Variants in SYNPR observed in about 807,000 individuals in gnomAD.
SYNPR encodes synaptoporin.
A neutral mutation model predicts 32.9 loss-of-function variants in SYNPR; 23 were observed. The observed-to-expected ratio is 0.70, with a 90% confidence interval of 0.50 to 0.99. The LOEUF is 0.99. Among genes scored for constraint, SYNPR ranks in the 50% least tolerant of loss-of-function variants. The pLI, the probability that SYNPR is intolerant of heterozygous loss-of-function variation, is 0.00. For missense variants in SYNPR, 318 were observed against 349.3 expected (o/e 0.91, Z 0.71); for synonymous variants, 146 against 135.9 (o/e 1.07, Z -0.52).
At chr3:63,431,959 T>G (rs1428548174) in intron 2 of SYNPR, among the ~76,000 whole-genome samples, 4 of 152,218 alleles carry the variant, frequency 2.6e-5, no homozygotes, top group East Asian at 3.9e-4. Flanking sequence ...CCTTCAGCAT[T>G]CTGTCTGTAG....
chr3:63,240,212 C>A (rs995407674), intron 1 of SYNPR, among the ~76,000 whole-genome samples: 14 of 152,066 alleles, frequency 9.2e-5, no homozygotes, highest in African/African-American at 3.1e-4. Flanking sequence ...TTCAAACTGA[C>A]AATAAATTGG....
chr3:63,278,823 C>G (rs2086601346), intron 2 of SYNPR, 81 bp downstream of exon 2: 1 of 1,403,026 alleles, frequency 7.1e-7, no homozygotes, highest in South Asian at 1.3e-5. Context: ...GTGCTCCCTG[C>G]TCAGTTCTGC....
intron 3 of SYNPR, among the ~76,000 whole-genome samples, chr3:63,527,084 G>C (rs1375330251): frequency 6.6e-6 from 1 of 152,122 alleles, no homozygotes; most frequent in African/African-American, 2.4e-5. Context: ...TGAAGAACAG[G>C]GACAATTTGA....
chr3:63,609,427 C>A, intron 5 of SYNPR, 111 bp downstream of exon 5: 4 of 962,810 alleles, frequency 4.2e-6, no homozygotes, highest in Non-Finnish European at 5.8e-6. Context: ...AAAACTAGGC[C>A]AATCAAAAGG....
chr3:63,251,341 G>A (rs1178413268), intron 1 of SYNPR, among the ~76,000 whole-genome samples: 1 of 152,102 alleles, frequency 6.6e-6, no homozygotes, highest in Non-Finnish European at 1.5e-5. Flanking sequence ...AAAATCCCTG[G>A]GTTGGGAGAA....
chr3:63,277,538 G>A (rs1275414242), upstream of SYNPR, among the ~76,000 whole-genome samples: 1 of 152,170 alleles, frequency 6.6e-6, no homozygotes, highest in African/African-American at 2.4e-5. Flanking sequence ...AATAAAATGA[G>A]TTTGAAAGGT....
intron 2 of SYNPR, among the ~76,000 whole-genome samples, chr3:63,387,508 C>T (rs2107078637): frequency 6.6e-6 from 1 of 152,276 alleles, no homozygotes. Flanking sequence ...CATTATGATC[C>T]TATGTGATTG....
At chr3:63,206,915 T>C in the SYNPR span, among the ~76,000 whole-genome samples, 6 of 152,168 alleles carry the variant, frequency 3.9e-5, no homozygotes, top group East Asian at 3.9e-4. Flanking sequence ...CCTGGAGTTG[T>C]TGTTATGGCT....
intron 2 of SYNPR, among the ~76,000 whole-genome samples, chr3:63,281,800 G>C (rs1022211783): frequency 2.0e-5 from 3 of 152,160 alleles, no homozygotes; most frequent in African/African-American, 7.2e-5. Context: ...CATCTGTAGT[G>C]AAAAGAACTG....
At chr3:63,596,562 G>A (rs1699962875) in intron 4 of SYNPR, among the ~76,000 whole-genome samples, 1 of 152,018 alleles carries the variant, frequency 6.6e-6, no homozygotes, top group South Asian at 2.1e-4. Context: ...TCTTTGGGCT[G>A]CCAACACAGA....
intron 2 of SYNPR, among the ~76,000 whole-genome samples, chr3:63,307,793 T>A (rs992014837): frequency 9.2e-5 from 14 of 152,016 alleles, no homozygotes; most frequent in African/African-American, 3.4e-4. Flanking sequence ...AGAATTTCTG[T>A]GTTGAAAAGA....
intron 2 of SYNPR, among the ~76,000 whole-genome samples, chr3:63,438,346 AT>A (rs1700119239): frequency 6.6e-6 from 1 of 152,024 alleles, no homozygotes; most frequent in African/African-American, 2.4e-5. Flanking sequence ...CAGTGTAGAA[AT>A]TTTTTAATAA....
chr3:63,277,883 C>T (rs904366081), upstream of SYNPR, among the ~76,000 whole-genome samples: 1 of 152,088 alleles, frequency 6.6e-6, no homozygotes, highest in Non-Finnish European at 1.5e-5. Context: ...GCACTGCCTG[C>T]CCACAGGAAG....
At chr3:63,348,696 C>T (rs112725118) in intron 2 of SYNPR, among the ~76,000 whole-genome samples, 1 of 152,038 alleles carries the variant, frequency 6.6e-6, no homozygotes, top group African/African-American at 2.4e-5. Flanking sequence ...ATCTTCAATT[C>T]GTTTTTTATA....
chr3:63,485,478 T>G (rs1280111758), intron 3 of SYNPR, among the ~76,000 whole-genome samples: 1 of 152,062 alleles, frequency 6.6e-6, no homozygotes, highest in Non-Finnish European at 1.5e-5. Context: ...CCATCGAATA[T>G]AGTTAATGGT....
intron 3 of SYNPR, among the ~76,000 whole-genome samples, chr3:63,489,230 G>A (rs1575671339): frequency 6.6e-6 from 1 of 152,142 alleles, no homozygotes; most frequent in Non-Finnish European, 1.5e-5. Context: ...AACTGTGGGC[G>A]ACATGCTCCA....
chr3:63,200,664 G>A, the SYNPR span, among the ~76,000 whole-genome samples: 1 of 151,930 alleles, frequency 6.6e-6, no homozygotes, highest in Non-Finnish European at 1.5e-5. Context: ...AATACATGGT[G>A]AGATCATGAT....
chr3:63,566,786 T>A (rs1702796650), intron 4 of SYNPR, among the ~76,000 whole-genome samples: 1 of 152,210 alleles, frequency 6.6e-6, no homozygotes, highest in Non-Finnish European at 1.5e-5. Flanking sequence ...AAGTAGTTGG[T>A]CAGAGTAAAT....
intron 2 of SYNPR, among the ~76,000 whole-genome samples, chr3:63,438,768 G>A (rs927857807): frequency 6.6e-6 from 1 of 152,204 alleles, no homozygotes; most frequent in African/African-American, 2.4e-5. Flanking sequence ...TTTCAAGGTT[G>A]TTCCATAAGT....
Sources: gnomAD v4.1 joint callset for allele counts (sites outside exome capture counted in the v4.1 genomes callset) on GRCh38, gnomAD v4.1.1 for gene constraint, MANE v1.5 for transcripts, NCBI Gene and HGNC (gene_info 2026-07-23, HGNC 2026-07-21) for gene names.